Variants in OR11A1 observed in about 807,000 individuals in gnomAD.
OR11A1 encodes the protein olfactory receptor family 11 subfamily A member 1.
For missense variants in OR11A1, 380 were observed against 378.2 expected (o/e 1.00, Z -0.04); for synonymous variants, 158 against 152.2 (o/e 1.04, Z -0.28).
intron 1 of OR11A1, among the ~76,000 whole-genome samples, chr6:29,456,505 G>A (rs1024379072): frequency 9.3e-5 from 14 of 149,772 alleles, no homozygotes; most frequent in South Asian, 8.5e-4. Flanking sequence ...GCAAGACTCC[G>A]TCTCAAAAAA....
intron 1 of OR11A1, chr6:29,440,576 A>G (rs1464593661): frequency 6.2e-7 from 1 of 1,613,810 alleles, no homozygotes; most frequent in South Asian, 1.1e-5. Flanking sequence ...TGCAGCTGGT[A>G]TGTGGAGACA....
At chr6:29,456,945 T>C (rs1786408356) in intron 1 of OR11A1, 42 bp downstream of exon 1, 1 of 152,162 alleles carries the variant, frequency 6.6e-6, no homozygotes, top group South Asian at 2.1e-4. Context: ...AGTCAGCTGA[T>C]TGTATTTCTA....
intron 1 of OR11A1, among the ~76,000 whole-genome samples, chr6:29,436,344 C>T (rs1269555641): frequency 1.3e-5 from 2 of 152,064 alleles, no homozygotes; most frequent in African/African-American, 4.8e-5. Context: ...CCAAATGTAG[C>T]GCTGAAGTGC....
intron 1 of OR11A1, among the ~76,000 whole-genome samples, chr6:29,449,025 CAG>C (rs1417094163): frequency 1.3e-5 from 2 of 152,118 alleles, no homozygotes; most frequent in Non-Finnish European, 2.9e-5. Context: ...GTAGAAATAT[CAG>C]TGGTTTCCAG....
chr6:29,427,534 G>C lies in OR11A1; in HGVS notation c.108C>G (p.Val36=). The C allele has an allele frequency of 2.5e-6, 4 of 1,613,002 alleles. No individual in the cohort carries two copies. Among genetic ancestry groups the C allele is most frequent in the Non-Finnish European group, 3.4e-6 (4 of 1,179,998 alleles). The change falls in exon 5 of 5, where the codon GTC becomes GTG. Residue 36 remains valine, a synonymous_variant. Transcript: ENST00000377149. ...TATTCCCTATGATGATGAAGACATA[G>C]ACAGCAGTGAATACAATAAAAAACA... ...HFLFFIVFTA[V]YVFIIIGNML... is the part of the protein sequence containing the mutation.
rs183307047 is a variant in OR11A1 at position 29,434,345 on chromosome 6, G to T, written c.-388-2358C>A. On this transcript the variant is annotated intron_variant, in intron 1 of 4. Transcript: ENST00000377149. ...CATTTTGAGTTAATTCTCATATATT[G>T]AGTGTCATAAGGATCCAATTTCATT... Among the ~76,000 whole-genome samples the T allele has an allele frequency of 6.9e-4, 105 of 152,256 alleles. 2 individuals carry two copies. The highest frequency in any genetic ancestry group is 5.9e-3 in the Admixed American group (90 of 15,296).
intron 1 of OR11A1, among the ~76,000 whole-genome samples, chr6:29,449,933 G>A (rs1027812242): frequency 3.9e-5 from 6 of 152,092 alleles, no homozygotes; most frequent in East Asian, 1.9e-4. Flanking sequence ...CACCGTGCCC[G>A]GCCCAAATGA....
chr6:29,432,068 T>A (rs1783266482), intron 1 of OR11A1, 81 bp from the exon 2 acceptor site: 1 of 890,446 alleles, frequency 1.1e-6, no homozygotes, highest in South Asian at 5.2e-5. Context: ...CCACCCTCCA[T>A]CCCCTTTTCT....
intron 1 of OR11A1, chr6:29,450,142 G>T (rs116366799): frequency 0.024 from 3,697 of 151,784 alleles, 73 homozygotes; most frequent in African/African-American, 0.055. Context: ...CCTAGAAGAG[G>T]AAAAAAAACA....
chr6:29,427,414 G>A lies in OR11A1; in HGVS notation c.228C>T (p.Thr76=), dbSNP rs1211263567. 1 of 1,613,108 alleles carries A rather than the reference G, an allele frequency of 6.2e-7. No homozygotes were observed. The highest frequency in any genetic ancestry group is 1.1e-5 in the South Asian group (1 of 91,082). ...CCAGCATTTTTGGCATCACTGCGGA[G>A]GTGTAGAGAATATCCAGGAAGGACA... ...ANLSFLDILY[T]SAVMPKMLEG... Residue 76 remains threonine, a synonymous_variant, in exon 5 of 5, where the codon ACC becomes ACT. Coordinates refer to ENST00000377149, the MANE Select transcript of OR11A1 (RefSeq NM_001394828.1).
rs1022376697 is a variant in OR11A1, at chr6:29,453,039, G to T, written c.-389+3948C>A. 1.3e-5 allele frequency among the ~76,000 whole-genome samples: 2 copies of T among 151,142 alleles called. No individual in the cohort carries two copies. Among genetic ancestry groups the T allele is most frequent in the African/African-American group, 4.8e-5 (2 of 41,270 alleles). ...CAGATTTTTATATTCTATGTTAAAG[G>T]TATTGTATTAAGTCAGAGTAGACTC... On this transcript the variant is annotated intron_variant, in intron 1 of 4. Coordinates refer to ENST00000377149, the MANE Select transcript of OR11A1 (RefSeq NM_001394828.1). This position sits in a 1 kb window ranked among gnomAD's most constrained non-coding sequence, Gnocchi z 4.5.
chr6:29,431,130 C>T (rs556106993), intron 2 of OR11A1, among the ~76,000 whole-genome samples: 19 of 152,256 alleles, frequency 1.2e-4, no homozygotes, highest in African/African-American at 4.6e-4. Context: ...TCAACCCAGA[C>T]TCTGAGATAG....
In OR11A1 at chr6:29,427,033, C is replaced by G. The variant is rs781406112; in HGVS notation, c.609G>C (p.Leu203=). ...AAGGAATAGTGAGGCAGAACACAGA[C>G]AGAATGAGAGTTGTCACCTGAGCCA... ...PRVAQVTTLI[L]SVFCLTIPFG... The change falls in exon 5 of 5, where the codon CTG becomes CTC. Residue 203 remains leucine, a synonymous_variant. Transcript: ENST00000377149. 2 of 1,612,416 alleles carry G rather than the reference C, an allele frequency of 1.2e-6. No homozygotes were observed.
intron 1 of OR11A1, chr6:29,441,025 C>T (rs985796645): frequency 4.0e-6 from 4 of 1,000,364 alleles, no homozygotes; most frequent in East Asian, 4.8e-5. Context: ...AAAGAGTCTC[C>T]CTTAAGGTCT....
chr6:29,440,536 C>T, intron 1 of OR11A1: 2 of 1,613,610 alleles, frequency 1.2e-6, no homozygotes, highest in Non-Finnish European at 8.5e-7. Context: ...AATACCATCC[C>T]GCAGTTCTTC....
Position 29,453,442 on chromosome 6 carries a change from C to T in OR11A1, c.-389+3545G>A, listed in dbSNP as rs544070286. On this transcript the variant is annotated intron_variant, in intron 1 of 4. Transcript: ENST00000377149. This position sits in a 1 kb window ranked among gnomAD's most constrained non-coding sequence, Gnocchi z 4.5. ...AACTGTGCCTGTCCTGTGAAAAGTG[C>T]TCCAGTACTACTCCAACTTAGTTGA... Among the ~76,000 whole-genome samples, 54 of 152,182 alleles carry T rather than the reference C, an allele frequency of 3.5e-4. No homozygotes were observed. The highest frequency in any genetic ancestry group is 1.3e-3 in the African/African-American group (52 of 41,546).
At chr6:29,441,629 T>C (rs1166793575) in intron 1 of OR11A1, among the ~76,000 whole-genome samples, 1 of 152,202 alleles carries the variant, frequency 6.6e-6, no homozygotes, top group Non-Finnish European at 1.5e-5. Context: ...CAAGGGTACA[T>C]GTGCAGGTTT....
At chr6:29,456,228 T>TA (rs201288734) in intron 1 of OR11A1, among the ~76,000 whole-genome samples, 159 of 125,868 alleles carry the variant, frequency 1.3e-3, no homozygotes, top group Middle Eastern at 4.7e-3. Flanking sequence ...AAACTCAGTC[T>TA]AAAAAAAAAA....
intron 1 of OR11A1, among the ~76,000 whole-genome samples, chr6:29,447,724 G>A (rs1189729155): frequency 1.3e-5 from 2 of 152,228 alleles, no homozygotes. Context: ...TCCAAAGAGA[G>A]GACCTAAAAC....
Sources: gnomAD v4.1 joint callset for allele counts (sites outside exome capture counted in the v4.1 genomes callset) on GRCh38, gnomAD v4.1.1 for gene constraint, Gnocchi (gnomAD v3.1) non-coding constraint, MANE v1.5 for transcripts, NCBI Gene and HGNC (gene_info 2026-07-23, HGNC 2026-07-21) for gene names.